AHCTF1: variants seen among roughly 807,000 people sequenced by gnomAD.
AHCTF1 encodes protein ELYS.
AHCTF1 carries 24 observed loss-of-function variants against 248.4 expected under a neutral mutation model. The observed-to-expected ratio is 0.10, with a 90% CI of 0.07 to 0.14. AHCTF1 has a LOEUF of 0.14. Among genes scored for constraint, AHCTF1 ranks in the 10% least tolerant of loss-of-function variants. The pLI, the probability that AHCTF1 is intolerant of heterozygous loss-of-function variation, is 1.00. For synonymous variants in AHCTF1, 786 were observed against 929.8 expected (o/e 0.85, Z 2.81); for missense variants, 2,206 against 2,636.2 (o/e 0.84, Z 3.57).
intron 24 of AHCTF1, among the ~76,000 whole-genome samples, chr1:246,868,323 G>A (rs547298234): frequency 6.6e-6 from 1 of 151,912 alleles, no homozygotes. Flanking sequence ...GTTTCACCAT[G>A]TTGGCCAGGC....
chr1:246,918,150 G>A, intron 2 of AHCTF1, 100 bp downstream of exon 2: 1 of 1,125,474 alleles, frequency 8.9e-7, no homozygotes, highest in Non-Finnish European at 1.2e-6. Flanking sequence ...CTCAGGTTCT[G>A]CTTTTTCTTC....
chr1:246,886,003 A>G (rs1386769918), intron 20 of AHCTF1, among the ~76,000 whole-genome samples: 2 of 152,206 alleles, frequency 1.3e-5, no homozygotes, highest in African/African-American at 2.4e-5. Flanking sequence ...CCTGGGCAAC[A>G]TGGCAAAACT....
intron 4 of AHCTF1, among the ~76,000 whole-genome samples, chr1:246,912,564 T>G (rs1665888506): frequency 6.6e-6 from 1 of 151,888 alleles, no homozygotes; most frequent in African/African-American, 2.4e-5. Flanking sequence ...TTTCTAAAAA[T>G]TAAGAGTAAA....
intron 1 of AHCTF1, among the ~76,000 whole-genome samples, chr1:246,928,933 G>A (rs552532258): frequency 1.9e-4 from 29 of 152,176 alleles, no homozygotes; most frequent in African/African-American, 6.3e-4. Flanking sequence ...TTAAAACACC[G>A]TGTTAGTAAA....
At position 246,864,351 on chromosome 1, in the gene AHCTF1, G is replaced by A. The variant is rs1395004487; in HGVS notation, c.3348-235C>T. 6 of 396,902 alleles carry A rather than the reference G, an allele frequency of 1.5e-5. No homozygotes were observed. In the East Asian group the frequency reaches 1.7e-4, roughly 11 times the overall value. The allele number at this position is 396,902 out of a possible 1,614,324, so 24.6% of individuals were successfully genotyped here. On this transcript the variant is annotated intron_variant, in intron 26 of 35. Coordinates refer to ENST00000648844, the MANE Select transcript of AHCTF1 (RefSeq NM_001323342.2). ...CTGATTTTTAAAAAGAGTTTGCGTC[G>A]TCCTCCTTCCCTTTACCTATATTTA... is the stretch of plus-strand genomic sequence containing the variant.
intron 1 of AHCTF1, among the ~76,000 whole-genome samples, chr1:246,921,230 CAA>C (rs995151903): frequency 1.3e-4 from 19 of 151,566 alleles, no homozygotes; most frequent in African/African-American, 4.6e-4. Context: ...ATGAAAAAAA[CAA>C]AGAAAAAATA....
intron 1 of AHCTF1, among the ~76,000 whole-genome samples, chr1:246,922,022 A>T (rs535788696): frequency 6.6e-6 from 1 of 152,368 alleles, no homozygotes; most frequent in African/African-American, 2.4e-5. Context: ...GAGAGAATAA[A>T]GATACATTGG....
chr1:246,913,529 A>T (rs1665948710), intron 3 of AHCTF1, 117 bp from the exon 4 acceptor site: 3 of 957,030 alleles, frequency 3.1e-6, no homozygotes, highest in Non-Finnish European at 4.5e-6. Context: ...CTATAGAGTA[A>T]ATTTGCATTT....
rs1203639185 is a variant in AHCTF1, at chr1:246,839,373, G to A, written c.*1433C>T. The A allele has an allele frequency of 5.0e-6, 1 of 201,890 alleles. No homozygotes were observed. The highest frequency in any genetic ancestry group is 6.5e-5 in the Admixed American group (1 of 15,332). 12.5% of individuals were successfully genotyped at this position (201,890 alleles called of 1,614,324 possible). On this transcript the variant is annotated 3_prime_UTR_variant, in exon 36 of 36. Transcript: ENST00000648844. ...GCAAAGGAATTGTTTACTGAATTAT[G>A]TTTAGCTCTTTATTCATTTAACAAG... is the stretch of plus-strand genomic sequence containing the variant.
At chr1:246,875,967 T>C in intron 24 of AHCTF1, 70 bp downstream of exon 24, 1 of 1,402,648 alleles carries the variant, frequency 7.1e-7, no homozygotes, top group Non-Finnish European at 9.6e-7. Context: ...TTAAGGTGGT[T>C]TCAGAAAAGT....
Position 246,900,452 on chromosome 1 carries a change from T to C in AHCTF1, c.1135A>G (p.Ser379Gly), listed in dbSNP as rs1437301181. The C allele has an allele frequency of 8.8e-6, 14 of 1,590,300 alleles. No homozygotes were observed. The highest frequency in any genetic ancestry group is 1.2e-5 in the South Asian group (1 of 85,208). The change falls in exon 9 of 36, where the codon AGT (serine) becomes GGT (glycine). Residue 379 changes from serine to glycine, a missense_variant. Physicochemically the swap from Ser to Gly is moderately conservative, Grantham distance 56 (BLOSUM62 0). This residue lies in a region of AHCTF1 where 650 missense variants were observed against 870.8 expected (regional missense o/e 0.75). Coordinates refer to ENST00000648844, the MANE Select transcript of AHCTF1 (RefSeq NM_001323342.2). ...GVNEALSPDTSVSVFTWQVNI... is the reference protein window; with the variant it reads ...GVNEALSPDTGVSVFTWQVNI... ...ACCTGCCAGGTAAAGACTGAAACAC[T>C]AGTGTCAGGCGATAGAGCTGGAAGA...
At chr1:246,868,776 T>C (rs1662240289) in intron 24 of AHCTF1, among the ~76,000 whole-genome samples, 1 of 151,920 alleles carries the variant, frequency 6.6e-6, no homozygotes. Flanking sequence ...AATAAAAAAG[T>C]ACCACGTGAT....
At chr1:246,903,679 A>G (rs531319982) in intron 7 of AHCTF1, among the ~76,000 whole-genome samples, 1 of 143,760 alleles carries the variant, frequency 7.0e-6, no homozygotes, top group African/African-American at 2.6e-5. Flanking sequence ...TCTGCTAAAT[A>G]TACAAAAAAA....
At chr1:246,846,698 A>G (rs998792677) in intron 33 of AHCTF1, among the ~76,000 whole-genome samples, 3 of 151,962 alleles carry the variant, frequency 2.0e-5, no homozygotes, top group African/African-American at 7.3e-5. Context: ...AAAAAAAAAG[A>G]AATATTACGT....
chr1:246,898,176 A>C (rs1558258634), intron 12 of AHCTF1, 32 bp downstream of exon 12: 1 of 1,609,612 alleles, frequency 6.2e-7, no homozygotes. Flanking sequence ...TGATCCAACC[A>C]AAAGAAACAA....
Position 246,861,304 on chromosome 1 carries a change from T to A in AHCTF1, c.3736-9A>T. 6.3e-7 allele frequency: 1 copy of A among 1,591,674 alleles called. No homozygotes were observed. Among genetic ancestry groups the A allele is most frequent in the South Asian group, 1.1e-5 (1 of 88,590 alleles). On this transcript the variant is annotated splice_polypyrimidine_tract_variant and intron_variant, in intron 28 of 35. Coordinates refer to ENST00000648844, the MANE Select transcript of AHCTF1 (RefSeq NM_001323342.2). The stretch of plus-strand genomic sequence containing the variant: ...TTGCTATCATCTGCAGCCTGTAAAG[T>A]AAGATTTTGAAAAGAAAAAAATTAG...
rs61853993 is a variant in AHCTF1, at chr1:246,859,169, A to C, written c.4133-1355T>G. Among the ~76,000 whole-genome samples, 113 of 152,350 alleles carry C rather than the reference A, an allele frequency of 7.4e-4. No individual in the cohort carries two copies. In the South Asian group the frequency reaches 8.9e-3, roughly 12 times the overall value. The stretch of plus-strand genomic sequence containing the variant: ...AATAATGCCCATGCTTACTAAGTAA[A>C]GATATCGTAGTCCAAACTTCAGTGG... On this transcript the variant is annotated intron_variant, in intron 29 of 35. Transcript: ENST00000648844.
chr1:246,920,735 ACTCCAGC>A (rs1666482829), intron 1 of AHCTF1, among the ~76,000 whole-genome samples: 1 of 150,504 alleles, frequency 6.6e-6, no homozygotes, highest in South Asian at 2.1e-4. Context: ...GCACCACTGC[ACTCCAGC>A]CTGGGTGACA....
chr1:246,858,978 G>A (rs1661316815), intron 29 of AHCTF1, among the ~76,000 whole-genome samples: 1 of 152,078 alleles, frequency 6.6e-6, no homozygotes, highest in African/African-American at 2.4e-5. Context: ...CTGTAATCCA[G>A]CTACTTGGGA....
Sources: gnomAD v4.1 joint callset for allele counts (sites outside exome capture counted in the v4.1 genomes callset) on GRCh38, gnomAD v4.1.1 for gene constraint, gnomAD v4.1.1 regional missense constraint, MANE v1.5 for transcripts, NCBI Gene and HGNC (gene_info 2026-07-23, HGNC 2026-07-21) for gene names.